The following BAAT variants were observed in gnomAD, a reference collection of about 807,000 sequenced individuals.
BAAT encodes the protein bile acid-CoA:amino acid N-acyltransferase.
A neutral mutation model predicts 18.9 loss-of-function variants in BAAT; 13 were observed. The ratio of observed to expected loss-of-function variants is 0.69; its 90% confidence interval spans 0.45 to 1.10. The LOEUF is 1.10. Among genes scored for constraint, BAAT ranks in the 50% least tolerant of loss-of-function variants. The pLI is 0.00. For missense variants in BAAT, 489 were observed against 504.0 expected (o/e 0.97, Z 0.28); for synonymous variants, 170 against 190.7 (o/e 0.89, Z 0.89).
chr9:101,370,362 G>C (rs2119024777), intron 2 of BAAT, among the ~76,000 whole-genome samples: 1 of 142,060 alleles, frequency 7.0e-6, no homozygotes, highest in Middle Eastern at 3.8e-3. Context: ...ACCCAGGCTG[G>C]AGTGCAGTAT....
At chr9:101,375,410 T>C (rs1488109050) in intron 1 of BAAT, 1 of 207,672 alleles carries the variant, frequency 4.8e-6, no homozygotes, top group East Asian at 1.2e-4. Context: ...TCCTTCAGGA[T>C]CCTAAACTTC....
rs1323944526 is a variant in BAAT at position 101,371,442 on chromosome 9, A to G, written c.-38T>C. 1 of 1,575,814 alleles carries G rather than the reference A, an allele frequency of 6.3e-7. No homozygotes were observed. The highest frequency in any genetic ancestry group is 8.6e-7 in the Non-Finnish European group (1 of 1,157,942). On this transcript the variant is annotated 5_prime_UTR_variant, in exon 2 of 4. Coordinates refer to ENST00000259407, the MANE Select transcript of BAAT (RefSeq NM_001701.4). ...GCACCTGGGATGATTCTTCAGGAAT[A>G]TCTTCAGCAAAACCTCAAAACCTCA... is the stretch of plus-strand genomic sequence containing the variant.
intron 1 of BAAT, chr9:101,375,763 G>A (rs956474258): frequency 6.6e-6 from 1 of 152,422 alleles, no homozygotes; most frequent in South Asian, 2.1e-4. Context: ...CTTCCTGTGT[G>A]GAACCTTGGA....
chr9:101,380,128 G>A lies in BAAT; in HGVS notation c.-60+4727C>T, dbSNP rs118011771. Among the ~76,000 whole-genome samples the A allele has an allele frequency of 5.7e-3, 836 of 147,910 alleles. 9 individuals are homozygous for A. Among genetic ancestry groups the A allele is most frequent in the Admixed American group, 9.5e-3 (139 of 14,626 alleles). On this transcript the variant is annotated intron_variant, in intron 1 of 3. Transcript: ENST00000259407. ...CCAATTAGAAAGCTGGAGTGTGGAG[G>A]TTATAGCAACTCCATCTTGAATTCT...
intron 3 of BAAT, among the ~76,000 whole-genome samples, chr9:101,365,675 A>T (rs1374753574): frequency 6.6e-6 from 1 of 151,916 alleles, no homozygotes; most frequent in South Asian, 2.1e-4. Flanking sequence ...CTGGAACTAC[A>T]GGCGCCCGCC....
intron 1 of BAAT, chr9:101,375,717 C>T (rs1049360767): frequency 7.8e-5 from 12 of 153,062 alleles, no homozygotes; most frequent in African/African-American, 2.9e-4. Context: ...ACCGAAGTTT[C>T]TGCTATTTGC....
In BAAT at chr9:101,361,758, G is replaced by T. The variant is rs1367542923; in HGVS notation, c.*670C>A. 1 of 152,354 alleles carries T rather than the reference G, an allele frequency of 6.6e-6. No individual in the cohort carries two copies. Among genetic ancestry groups the T allele is most frequent in the Non-Finnish European group, 1.5e-5 (1 of 67,988 alleles). 9.4% of individuals were successfully genotyped at this position (152,354 alleles called of 1,614,324 possible). A position where few individuals can be genotyped will look rare whatever the true frequency, so the allele number is the denominator to read the frequency against. On this transcript the variant is annotated 3_prime_UTR_variant, in exon 4 of 4. Transcript: ENST00000259407. ...GTAAGGGGCATTTTCAACCTAATTGGTTCTATTTTCTTGTATTTTCCATTT... is the reference window on the plus strand; with the variant it reads ...GTAAGGGGCATTTTCAACCTAATTGTTTCTATTTTCTTGTATTTTCCATTT...
rs1830182152 is a variant in BAAT at position 101,384,921 on chromosome 9, G to C, written c.-126C>G. ...ATTTTCCCTAAGTGTCGGCTGGTCT[G>C]AGAAATAAAGAGAAAGAGTACAAAG... On this transcript the variant is annotated 5_prime_UTR_variant, in exon 1 of 4. Transcript: ENST00000259407. 6.6e-6 allele frequency among the ~76,000 whole-genome samples: 1 copy of C among 152,082 alleles called. No homozygotes were observed. The highest frequency in any genetic ancestry group is 2.4e-5 in the African/African-American group (1 of 41,418).
At position 101,384,911 on chromosome 9, in the gene BAAT, C is replaced by T. The variant is rs117775873; in HGVS notation, c.-116G>A. Among the ~76,000 whole-genome samples the T allele has an allele frequency of 0.07, 10,615 of 152,068 alleles. 493 individuals carry two copies. Among genetic ancestry groups the T allele is most frequent in the South Asian group, 0.15 (732 of 4,812 alleles). ...CGTAGGTTCTATTTTCCCTAAGTGT[C>T]GGCTGGTCTGAGAAATAAAGAGAAA... is the stretch of plus-strand genomic sequence containing the variant. On this transcript the variant is annotated 5_prime_UTR_variant, in exon 1 of 4. Coordinates refer to ENST00000259407, the MANE Select transcript of BAAT (RefSeq NM_001701.4).
At chr9:101,367,673 A>C (rs1822178166) in intron 3 of BAAT, among the ~76,000 whole-genome samples, 1 of 151,940 alleles carries the variant, frequency 6.6e-6, no homozygotes, top group Admixed American at 6.6e-5. Flanking sequence ...ATTTATAGAG[A>C]AAGAGTTTGG....
At chr9:101,373,013 G>A (rs555032872) in intron 1 of BAAT, among the ~76,000 whole-genome samples, 45 of 152,294 alleles carry the variant, frequency 3.0e-4, no homozygotes, top group African/African-American at 1.1e-3. Flanking sequence ...ACACCTTCAT[G>A]TAAAATAAGG....
chr9:101,373,411 C>A (rs1357673668), intron 1 of BAAT, among the ~76,000 whole-genome samples: 1 of 151,992 alleles, frequency 6.6e-6, no homozygotes, highest in African/African-American at 2.4e-5. Flanking sequence ...GAAGTACTGG[C>A]AAAATATCAG....
At chr9:101,368,044 C>G in intron 3 of BAAT, 76 bp downstream of exon 3, 8 of 1,475,040 alleles carry the variant, frequency 5.4e-6, no homozygotes, top group Non-Finnish European at 7.6e-6. Flanking sequence ...GGAGCAAGAC[C>G]CTGTCTTTTA....
intron 1 of BAAT, among the ~76,000 whole-genome samples, chr9:101,380,135 C>A (rs180956322): frequency 1.5e-5 from 2 of 134,416 alleles, no homozygotes; most frequent in African/African-American, 5.8e-5. Context: ...GAGGTTATAG[C>A]AACTCCATCT....
At chr9:101,368,947 T>C (rs1414161973) in intron 2 of BAAT, among the ~76,000 whole-genome samples, 1 of 152,194 alleles carries the variant, frequency 6.6e-6, no homozygotes, top group Non-Finnish European at 1.5e-5. Flanking sequence ...GCTACATTCA[T>C]TTGACTATAC....
Position 101,368,102 on chromosome 9 carries a change from T to G in BAAT, c.669+18A>C, listed in dbSNP as rs1678245255. On this transcript the variant is annotated intron_variant, in intron 3 of 3. Transcript: ENST00000259407. ...AAAAACCCCAGGGACTCAAACCTACTGAAAAGACAAAAATTACCTTTGGAT... is the reference window on the plus strand; with the variant it reads ...AAAAACCCCAGGGACTCAAACCTACGGAAAAGACAAAAATTACCTTTGGAT... The G allele has an allele frequency of 6.2e-7, 1 of 1,609,528 alleles. No individual in the cohort carries two copies. Among genetic ancestry groups the G allele is most frequent in the Non-Finnish European group, 8.5e-7 (1 of 1,175,836 alleles).
chr9:101,375,598 TAG>T lies in BAAT; in HGVS notation c.-59-4137_-59-4136del, dbSNP rs140276849. ...GCACTGCTCCAGGATTGTCCAAAGA[TAG>T]AGTCAAAATTCCTCCGTTTGTGGTG... On this transcript the variant is annotated intron_variant, in intron 1 of 3. Coordinates refer to ENST00000259407, the MANE Select transcript of BAAT (RefSeq NM_001701.4). 7.4e-3 allele frequency: 1,245 copies of T among 167,956 alleles called. 11 individuals carry two copies. The highest frequency in any genetic ancestry group is 0.028 in the African/African-American group (1,158 of 41,940). The allele number at this position is 167,956 out of a possible 1,614,324, so 10.4% of individuals were successfully genotyped here. A position where few individuals can be genotyped will look rare whatever the true frequency, so the allele number is the denominator to read the frequency against.
intron 2 of BAAT, 140 bp downstream of exon 2, chr9:101,370,799 G>C: frequency 2.1e-6 from 2 of 942,310 alleles, no homozygotes; most frequent in South Asian, 2.8e-5. Context: ...ATTTCTGGAG[G>C]GATAATGCAT....
At chr9:101,375,989 G>C (rs1043515196) in intron 1 of BAAT, 1 of 152,618 alleles carries the variant, frequency 6.6e-6, no homozygotes, top group Non-Finnish European at 1.5e-5. Flanking sequence ...TTCTCTTTCC[G>C]ACTACGTTAT....
Sources: gnomAD v4.1 joint callset for allele counts (sites outside exome capture counted in the v4.1 genomes callset) on GRCh38, gnomAD v4.1.1 for gene constraint, MANE v1.5 for transcripts, NCBI Gene and HGNC (gene_info 2026-07-23, HGNC 2026-07-21) for gene names.